CNTLN: variants seen among roughly 807,000 people sequenced by gnomAD.
The protein encoded by CNTLN is centlein.
Under a neutral mutation model 180.0 loss-of-function variants are expected in CNTLN, and 212 were observed. That is an observed-to-expected ratio of 1.18 (90% CI 1.05 to 1.32). CNTLN has a LOEUF of 1.32. Among genes scored for constraint, CNTLN ranks in the 40% most tolerant of loss-of-function variants. The pLI is 0.00. For synonymous variants in CNTLN, 722 were observed against 563.1 expected (o/e 1.28, Z -3.99); for missense variants, 2,095 against 1,610.9 (o/e 1.30, Z -5.14).
At chr9:17,467,213 G>T (rs184613430) in intron 23 of CNTLN, among the ~76,000 whole-genome samples, 1 of 151,414 alleles carries the variant, frequency 6.6e-6, no homozygotes, top group African/African-American at 2.4e-5. Context: ...TTTGAAAATC[G>T]TTCAAGCAGG....
chr9:17,226,661 T>A (rs1166064264), intron 3 of CNTLN, among the ~76,000 whole-genome samples: 2 of 152,022 alleles, frequency 1.3e-5, no homozygotes, highest in East Asian at 3.9e-4. Flanking sequence ...TATTTACACT[T>A]AAAACTTGTA....
At chr9:17,437,141 C>A (rs527625672) in intron 18 of CNTLN, among the ~76,000 whole-genome samples, 13 of 152,212 alleles carry the variant, frequency 8.5e-5, no homozygotes, top group African/African-American at 3.1e-4. Flanking sequence ...TGTGCAAAAC[C>A]CAGGATCAGA....
At chr9:17,468,609 A>T (rs1393877471) in intron 23 of CNTLN, among the ~76,000 whole-genome samples, 1 of 151,558 alleles carries the variant, frequency 6.6e-6, no homozygotes, top group Non-Finnish European at 1.5e-5. Context: ...TGAATGTGGC[A>T]CTTTAAAAAA....
intron 18 of CNTLN, among the ~76,000 whole-genome samples, chr9:17,420,167 A>G (rs1490696929): frequency 6.6e-6 from 1 of 152,124 alleles, no homozygotes; most frequent in Non-Finnish European, 1.5e-5. Context: ...CACCCACACC[A>G]GCCTCCCAAA....
chr9:17,235,846 A>C (rs1825110711), intron 4 of CNTLN, 54 bp downstream of exon 4: 2 of 1,542,874 alleles, frequency 1.3e-6, no homozygotes, highest in African/African-American at 1.4e-5. Context: ...GTTCTGCTTT[A>C]AGCTTTGTTA....
intron 2 of CNTLN, among the ~76,000 whole-genome samples, chr9:17,193,502 TA>T (rs149627425): frequency 0.014 from 2,118 of 152,224 alleles, 82 homozygotes; most frequent in East Asian, 0.12. Context: ...AGTCAAATCT[TA>T]AACCTCCAAA....
At chr9:17,166,808 A>G (rs1467063120) in intron 2 of CNTLN, 1 of 391,538 alleles carries the variant, frequency 2.6e-6, no homozygotes, top group South Asian at 2.0e-5. Flanking sequence ...CTCCCATTAC[A>G]TATTCTTAGG....
chr9:17,483,930 A>G (rs1373465362), intron 23 of CNTLN, among the ~76,000 whole-genome samples: 1 of 152,200 alleles, frequency 6.6e-6, no homozygotes, highest in African/African-American at 2.4e-5. Flanking sequence ...CAAATAATAT[A>G]TGCACATTGT....
intron 10 of CNTLN, among the ~76,000 whole-genome samples, chr9:17,335,256 C>T (rs1414548248): frequency 2.6e-5 from 4 of 152,184 alleles, no homozygotes; most frequent in South Asian, 2.1e-4. Flanking sequence ...CGGTGGCTCA[C>T]GCCTGTAATC....
At chr9:17,362,641 C>G (rs1419335866) in intron 12 of CNTLN, among the ~76,000 whole-genome samples, 3 of 152,086 alleles carry the variant, frequency 2.0e-5, no homozygotes, top group Non-Finnish European at 4.4e-5. Flanking sequence ...ACATAAAAGT[C>G]TAGAACTAAT....
At chr9:17,390,002 A>C (rs955553941) in intron 14 of CNTLN, among the ~76,000 whole-genome samples, 1 of 152,162 alleles carries the variant, frequency 6.6e-6, no homozygotes, top group African/African-American at 2.4e-5. Flanking sequence ...GTCCATGTGA[A>C]GACACAGGGA....
At chr9:17,494,426 C>T (rs568647698) in intron 25 of CNTLN, among the ~76,000 whole-genome samples, 39 of 152,106 alleles carry the variant, frequency 2.6e-4, no homozygotes, top group Middle Eastern at 3.4e-3. Context: ...TATAGGTAAA[C>T]TCATGTCGTG....
chr9:17,417,036 T>C (rs933965811), intron 18 of CNTLN, among the ~76,000 whole-genome samples: 3 of 152,106 alleles, frequency 2.0e-5, no homozygotes, highest in East Asian at 3.9e-4. Flanking sequence ...CATTTAAGAA[T>C]TGTGTTCTGA....
intron 19 of CNTLN, among the ~76,000 whole-genome samples, chr9:17,459,959 G>T (rs959432894): frequency 1.1e-4 from 16 of 151,636 alleles, no homozygotes; most frequent in African/African-American, 3.6e-4. Context: ...GCACATAACA[G>T]ATATCAAACT....
chr9:17,513,628 T>C, the CNTLN span, among the ~76,000 whole-genome samples: 223 of 152,058 alleles, frequency 1.5e-3, no homozygotes, highest in African/African-American at 5.2e-3. Flanking sequence ...ACCCAGGAGG[T>C]TGAGGCTGCA....
chr9:17,284,374 T>C (rs1043657967), intron 6 of CNTLN, among the ~76,000 whole-genome samples: 7 of 152,310 alleles, frequency 4.6e-5, no homozygotes, highest in African/African-American at 1.7e-4. Context: ...AGAATTCAGC[T>C]GTAAATCCAC....
At chr9:17,257,991 A>G (rs1826640954) in intron 5 of CNTLN, among the ~76,000 whole-genome samples, 2 of 149,756 alleles carry the variant, frequency 1.3e-5, no homozygotes, top group South Asian at 2.1e-4. Flanking sequence ...ATTAGATCCC[A>G]TTTGTCAATT....
rs1442627729 is a variant in CNTLN at position 17,484,390 on chromosome 9, C to G, written c.3951C>G (p.Thr1317=). The change falls in exon 24 of 26, where the codon ACC becomes ACG. Residue 1317 remains threonine (T), a synonymous_variant. Coordinates refer to ENST00000380647, the MANE Select transcript of CNTLN (RefSeq NM_017738.4). ...KMKKNRDACK[T]STHKAQTLAA... ...AGAAAAACAGGGACGCCTGTAAAAC[C>G]TCAACCCATAAAGCCCAGACCTTGG... The G allele has an allele frequency of 6.2e-7, 1 of 1,612,768 alleles. No homozygotes were observed. Among genetic ancestry groups the G allele is most frequent in the African/African-American group, 1.3e-5 (1 of 74,858 alleles).
chr9:17,180,256 C>G (rs938026209), intron 2 of CNTLN, among the ~76,000 whole-genome samples: 3 of 142,430 alleles, frequency 2.1e-5, no homozygotes, highest in Non-Finnish European at 4.6e-5. Flanking sequence ...TTCCTGTTGG[C>G]TATTGGAACG....
Sources: allele counts gnomAD v4.1 joint callset (sites outside exome capture counted in the v4.1 genomes callset), GRCh38; gene constraint gnomAD v4.1.1; transcripts MANE v1.5; gene names NCBI Gene and HGNC (gene_info 2026-07-23, HGNC 2026-07-21).